The following LVRN variants were observed in gnomAD, a reference collection of about 807,000 sequenced individuals.
The protein encoded by LVRN is laeverin.
In LVRN, 99 loss-of-function variants were observed where a neutral mutation model predicts 111.4. That is an observed-to-expected ratio of 0.89 (90% CI 0.76 to 1.05). The LOEUF (loss-of-function observed/expected upper bound fraction) is 1.05. Among genes scored for constraint, LVRN ranks in the 50% least tolerant of loss-of-function variants. The probability of loss-of-function intolerance (pLI) is 0.00; values close to 1 mark genes in which losing one functional copy is unlikely to be tolerated. For missense variants in LVRN, 1,414 were observed against 1,206.8 expected (o/e 1.17, Z -2.54); for synonymous variants, 488 against 449.5 (o/e 1.09, Z -1.08).
chr5:116,024,204 A>T (rs1580404799), intron 19 of LVRN, among the ~76,000 whole-genome samples: 1 of 152,210 alleles, frequency 6.6e-6, no homozygotes, highest in South Asian at 2.1e-4. Flanking sequence ...TTACAGTTTA[A>T]GTAGATCTAG....
chr5:115,965,758 T>C (rs1463309628), intron 1 of LVRN, among the ~76,000 whole-genome samples: 1 of 152,178 alleles, frequency 6.6e-6, no homozygotes, highest in African/African-American at 2.4e-5. Flanking sequence ...ATTCACTCTG[T>C]CTTGCTGCCC....
rs1439807904 is a variant in LVRN, at chr5:116,002,847, T to C, written c.1833T>C (p.Ile611=). The change falls in exon 11 of 20, where the codon ATT becomes ATC. Residue 611 remains isoleucine (I), a synonymous_variant. Transcript: ENST00000357872. ...TTCTTCCAATAAGTGACACATGGAT[T>C]GTCCCTATTCTTTGGATAAAAAATG... The part of the protein sequence containing the change: ...RTLLTSNDTW[I]VPILWIKNGT... 6.2e-7 allele frequency: 1 copy of C among 1,607,780 alleles called. No homozygotes were observed. The highest frequency in any genetic ancestry group is 8.5e-7 in the Non-Finnish European group (1 of 1,175,300).
chr5:115,981,823 A>C (rs1335137494), intron 1 of LVRN, among the ~76,000 whole-genome samples: 1 of 152,148 alleles, frequency 6.6e-6, no homozygotes, highest in African/African-American at 2.4e-5. Flanking sequence ...TCTATAGTTC[A>C]TCTGTATCAA....
chr5:116,025,952 G>A, intron 19 of LVRN, 26 bp from the exon 20 acceptor site: 6 of 1,612,562 alleles, frequency 3.7e-6, no homozygotes, highest in Non-Finnish European at 5.1e-6. Flanking sequence ...GGATTGCACT[G>A]ATCATCTGTC....
chr5:115,992,028 T>C, intron 4 of LVRN, 95 bp from the exon 5 acceptor site: 1 of 1,210,620 alleles, frequency 8.3e-7, no homozygotes, highest in Non-Finnish European at 1.1e-6. Context: ...CCCTTGAATT[T>C]TTTGGTAATT....
Position 116,015,395 on chromosome 5 carries a change from G to C in LVRN, c.2594G>C (p.Ser865Thr), listed in dbSNP as rs778396476. ...KIQLAYAMSC[S>T]KDPWILNRYM... The stretch of plus-strand genomic sequence containing the variant: ...CAACTTGCTTATGCAATGAGCTGCA[G>C]CAAAGACCCATGGATACTTAACAGG... The change falls in exon 17 of 20, where the codon AGC becomes ACC. Residue 865 changes from serine to threonine, a missense_variant. Ser to Thr is a moderately conservative substitution (Grantham distance 58). Coordinates refer to ENST00000357872, the MANE Select transcript of LVRN (RefSeq NM_173800.5). 6.5e-7 allele frequency: 1 copy of C among 1,538,372 alleles called. No individual in the cohort carries two copies. The highest frequency in any genetic ancestry group is 1.2e-5 in the South Asian group (1 of 81,622).
intron 18 of LVRN, among the ~76,000 whole-genome samples, chr5:116,017,924 T>C (rs1404106687): frequency 1.3e-5 from 2 of 152,118 alleles, no homozygotes; most frequent in African/African-American, 2.4e-5. Context: ...AGTATTAGAG[T>C]CTCATGTTTA....
At chr5:115,977,691 C>A (rs1003860305) in intron 1 of LVRN, among the ~76,000 whole-genome samples, 1 of 152,100 alleles carries the variant, frequency 6.6e-6, no homozygotes, top group Non-Finnish European at 1.5e-5. Context: ...GACCTGGAGC[C>A]CTGATTCTGG....
intron 7 of LVRN, 138 bp from the exon 8 acceptor site, chr5:116,000,295 C>A: frequency 8.3e-7 from 1 of 1,211,648 alleles, no homozygotes; most frequent in Non-Finnish European, 1.2e-6. Flanking sequence ...TTAGCACATT[C>A]CAAAATAATT....
At chr5:116,006,691 A>G (rs1381660506) in intron 13 of LVRN, among the ~76,000 whole-genome samples, 1 of 152,106 alleles carries the variant, frequency 6.6e-6, no homozygotes, top group East Asian at 1.9e-4. Flanking sequence ...CTTTTCTTTG[A>G]TAACTCATTC....
chr5:115,963,147 A>G lies in LVRN; in HGVS notation c.530A>G (p.Asp177Gly). 6.2e-7 allele frequency: 1 copy of G among 1,613,308 alleles called. No individual in the cohort carries two copies. The highest frequency in any genetic ancestry group is 8.5e-7 in the Non-Finnish European group (1 of 1,179,872). Residue 177 changes from aspartate (D) to glycine (G), a missense_variant, in exon 1 of 20, where the codon GAC (aspartate) becomes GGC (glycine). Coordinates refer to ENST00000357872, the MANE Select transcript of LVRN (RefSeq NM_173800.5). Reference protein sequence around the residue: ...GNATVGRVPVDDVWFALDTEY... With the variant: ...GNATVGRVPVGDVWFALDTEY... The stretch of plus-strand genomic sequence containing the variant: ...GCCACAGTGGGCCGCGTGCCCGTGG[A>G]CGACGTGTGGTTCGCGCTGGACACG...
rs749856209 is a variant in LVRN at position 115,987,855 on chromosome 5, G to A, written c.1021G>A (p.Ala341Thr). The A allele has an allele frequency of 7.5e-5, 121 of 1,613,080 alleles. No homozygotes were observed. Among genetic ancestry groups the A allele is most frequent in the Non-Finnish European group, 4.1e-5 (48 of 1,179,536 alleles). The change falls in exon 4 of 20, where the codon GCA becomes ACA. Residue 341 changes from alanine to threonine, a missense_variant. Physicochemically the swap from Ala to Thr is moderately conservative, Grantham distance 58. Coordinates refer to ENST00000357872, the MANE Select transcript of LVRN (RefSeq NM_173800.5). The stretch of plus-strand genomic sequence containing the variant: ...GAAAGATGCAATTGCAAATGGAAGT[G>A]CAGACTTTGCTTTGAACATCACAGG... Reference protein sequence around the residue: ...ARKDAIANGSADFALNITGPI... With the variant: ...ARKDAIANGSTDFALNITGPI...
chr5:116,022,520 T>C (rs1280322396), intron 19 of LVRN, 54 bp downstream of exon 19: 1 of 1,241,780 alleles, frequency 8.1e-7, no homozygotes, highest in Non-Finnish European at 1.2e-6. Flanking sequence ...CCACTTTTTA[T>C]GCAATTTGGA....
rs1250117721 is a variant in LVRN at position 115,962,995 on chromosome 5, C to T, written c.378C>T (p.Pro126=). The T allele has an allele frequency of 1.2e-6, 2 of 1,613,606 alleles. No homozygotes were observed. Among genetic ancestry groups the T allele is most frequent in the South Asian group, 1.1e-5 (1 of 91,068 alleles). The change falls in exon 1 of 20, where the codon CCC becomes CCT. Residue 126 remains proline, a synonymous_variant. Coordinates refer to ENST00000357872, the MANE Select transcript of LVRN (RefSeq NM_173800.5). The part of the protein sequence containing the change: ...RPDELPAGSL[P]FTGRVNITVR... Reference sequence around the variant, plus strand: ...ACGAGCTTCCGGCCGGGTCTTTGCCCTTCACTGGCCGCGTGAACATCACGG... The same window carrying T: ...ACGAGCTTCCGGCCGGGTCTTTGCCTTTCACTGGCCGCGTGAACATCACGG...
At chr5:115,996,107 C>A (rs1396849272) in intron 6 of LVRN, among the ~76,000 whole-genome samples, 2 of 152,162 alleles carry the variant, frequency 1.3e-5, no homozygotes. Context: ...CCATCTTTAA[C>A]TTCTTTTGAA....
At chr5:115,987,755 A>T in intron 3 of LVRN, 58 bp from the exon 4 acceptor site, 1 of 1,565,008 alleles carries the variant, frequency 6.4e-7, no homozygotes, top group Non-Finnish European at 8.7e-7. Flanking sequence ...CAAGCAGACT[A>T]CCTCTTTCCA....
At position 116,001,113 on chromosome 5, in the gene LVRN, A is replaced by G. The variant is rs1748228433; in HGVS notation, c.1694A>G (p.Asn565Ser). The change falls in exon 10 of 20, where the codon AAC (asparagine) becomes AGC (serine). Residue 565 changes from asparagine (N) to serine (S), a missense_variant. Asn to Ser is a conservative substitution (Grantham distance 46). Coordinates refer to ENST00000357872, the MANE Select transcript of LVRN (RefSeq NM_173800.5). The part of the protein sequence containing the change: ...STVILPATIK[N>S]IMDSWTHQSG... ...GTTATTTTGCCAGCAACAATAAAAA[A>G]CATAATGGACAGTTGGACACACCAG... The G allele has an allele frequency of 1.2e-6, 2 of 1,611,782 alleles. No individual in the cohort carries two copies. The highest frequency in any genetic ancestry group is 2.7e-5 in the African/African-American group (2 of 74,822).
chr5:116,010,739 A>G lies in LVRN; in HGVS notation c.2094-2A>G. On this transcript the variant is annotated splice_acceptor_variant, in intron 13 of 19. Transcript: ENST00000357872. LOFTEE classifies it high-confidence loss of function. ...GAGTGTGTGTGTTTTTAAATCAAAC[A>G]GAAACAATTATATTGAGATTGAAAC... 6.3e-7 allele frequency: 1 copy of G among 1,583,710 alleles called. No homozygotes were observed. Among genetic ancestry groups the G allele is most frequent in the South Asian group, 1.2e-5 (1 of 86,608 alleles).
At chr5:115,987,769 T>C (rs200073200) in intron 3 of LVRN, 44 bp from the exon 4 acceptor site, 28 of 1,582,594 alleles carry the variant, frequency 1.8e-5, no homozygotes, top group Non-Finnish European at 2.3e-5. Flanking sequence ...CTTTCCAAAA[T>C]CACTACTGGT....
Sources: gnomAD v4.1 joint callset for allele counts (sites outside exome capture counted in the v4.1 genomes callset) on GRCh38, gnomAD v4.1.1 for gene constraint, MANE v1.5 for transcripts, NCBI Gene and HGNC (gene_info 2026-07-23, HGNC 2026-07-21) for gene names.